ZNF831: variants seen among roughly 807,000 people sequenced by gnomAD.
ZNF831 encodes the protein chromosome 20 open reading frame 174.
ZNF831 carries 59 observed loss-of-function variants against 95.8 expected under a neutral mutation model. The ratio of observed to expected loss-of-function variants is 0.62; its 90% confidence interval spans 0.50 to 0.77. The LOEUF is 0.77. ZNF831 is among the 30% of genes least tolerant of loss of function. The probability of loss-of-function intolerance (pLI) is 0.00; values close to 1 mark genes in which losing one functional copy is unlikely to be tolerated. For synonymous variants in ZNF831, 961 were observed against 925.5 expected (o/e 1.04, Z -0.70); for missense variants, 2,205 against 2,164.0 (o/e 1.02, Z -0.38).
intron 4 of ZNF831, among the ~76,000 whole-genome samples, chr20:59,228,581 G>A (rs1023670407): frequency 6.6e-6 from 1 of 152,178 alleles, no homozygotes; most frequent in Non-Finnish European, 1.5e-5. Flanking sequence ...GGGGGTGAAA[G>A]AACTTTATGT....
chr20:59,256,377 A>C lies in ZNF831; in HGVS notation c.*1634A>C, dbSNP rs1003303408. The C allele has an allele frequency of 2.0e-5, 3 of 152,240 alleles. No individual in the cohort carries two copies. Among genetic ancestry groups the C allele is most frequent in the Non-Finnish European group, 4.4e-5 (3 of 68,046 alleles). 9.4% of individuals were successfully genotyped at this position (152,240 alleles called of 1,614,324 possible). The stretch of plus-strand genomic sequence containing the variant: ...AAACATAAGAAGGGAGGTAAAAAGG[A>C]TGTTGGACATTGACTTAGTGTACTT... On this transcript the variant is annotated 3_prime_UTR_variant, in exon 6 of 6. Transcript: ENST00000371030.
intron 2 of ZNF831, 41 bp downstream of exon 2, chr20:59,194,798 C>A: frequency 6.6e-7 from 1 of 1,517,232 alleles, no homozygotes; most frequent in Non-Finnish European, 8.8e-7. Flanking sequence ...GTTGAGAGAG[C>A]ATGTTGTTAT....
chr20:59,169,517 GCA>G lies in ZNF831; in HGVS notation c.-37+5312_-37+5313del, dbSNP rs1388753687. 6.6e-6 allele frequency among the ~76,000 whole-genome samples: 1 copy of G among 152,186 alleles called. No homozygotes were observed. Among genetic ancestry groups the G allele is most frequent in the Non-Finnish European group, 1.5e-5 (1 of 68,026 alleles). On this transcript the variant is annotated intron_variant, in intron 1 of 5. Transcript: ENST00000371030. The surrounding 1 kb of genome is among the most constrained non-coding windows in gnomAD (Gnocchi z 4.1). ...ACAGTGGCTCATGCCTATAATCCCA[GCA>G]CTTTGGGAGGCTGAGATGGGTGGAT... is the stretch of plus-strand genomic sequence containing the variant.
chr20:59,236,361 T>A (rs1986998272), intron 4 of ZNF831, among the ~76,000 whole-genome samples: 1 of 152,206 alleles, frequency 6.6e-6, no homozygotes, highest in Non-Finnish European at 1.5e-5. Context: ...AGGGTCTTCC[T>A]GGCTTGCTTG....
rs2146574057 is a variant in ZNF831, at chr20:59,192,911, T to A, written c.1892T>A (p.Ile631Asn). The stretch of plus-strand genomic sequence containing the variant: ...TACGGGGATGAGACGTTCAAAAGGA[T>A]CTACCAGAAAATGAAAGCCAGTCCC... ...QVYGDETFKR[I>N]YQKMKASPHG... Residue 631 changes from isoleucine to asparagine, a missense_variant, in exon 2 of 6, where the codon ATC becomes AAC. By Grantham distance (149) the Ile-to-Asn change is moderately radical. Transcript: ENST00000371030. This position sits in a 1 kb window ranked among gnomAD's most constrained non-coding sequence, Gnocchi z 5.2. 6.3e-7 allele frequency: 1 copy of A among 1,599,024 alleles called. No individual in the cohort carries two copies. Among genetic ancestry groups the A allele is most frequent in the East Asian group, 2.2e-5 (1 of 44,826 alleles).
chr20:59,174,212 A>G (rs1238297253), intron 1 of ZNF831, among the ~76,000 whole-genome samples: 1 of 152,088 alleles, frequency 6.6e-6, no homozygotes, highest in East Asian at 1.9e-4. Context: ...TGGCCACGGG[A>G]GGCTAGCTGG....
intron 1 of ZNF831, among the ~76,000 whole-genome samples, chr20:59,145,867 C>G (rs1427331215): frequency 6.6e-6 from 1 of 152,144 alleles, no homozygotes; most frequent in Non-Finnish European, 1.5e-5. Flanking sequence ...CAGAGAAATG[C>G]CCACCCTCAC....
chr20:59,144,909 C>G (rs1979794017), intron 1 of ZNF831, among the ~76,000 whole-genome samples: 1 of 152,140 alleles, frequency 6.6e-6, no homozygotes, highest in Admixed American at 6.5e-5. Context: ...CTGGAGGGCT[C>G]TTGGGCAGGG....
Position 59,191,851 on chromosome 20 carries a change from G to T in ZNF831, c.832G>T (p.Ala278Ser), listed in dbSNP as rs201314717. 8 of 1,613,356 alleles carry T rather than the reference G, an allele frequency of 5.0e-6. No individual in the cohort carries two copies. In the East Asian group the frequency reaches 1.6e-4, roughly 31 times the overall value. ...AGGGTCCGCATTTGCCGACAGAGAG[G>T]CTCCTTGGGACTCTGCCCCCATGGC... Reference protein sequence around the residue: ...CPGSAFADREAPWDSAPMASP... With the variant: ...CPGSAFADRESPWDSAPMASP... The change falls in exon 2 of 6, where the codon GCT becomes TCT. Residue 278 changes from alanine (A) to serine (S), a missense_variant. Ala to Ser is a moderately conservative substitution (Grantham distance 99). Coordinates refer to ENST00000371030, the MANE Select transcript of ZNF831 (RefSeq NM_178457.3).
At chr20:59,203,033 C>A (rs559541000) in intron 3 of ZNF831, among the ~76,000 whole-genome samples, 1 of 152,110 alleles carries the variant, frequency 6.6e-6, no homozygotes, top group African/African-American at 2.4e-5. Context: ...ATTTTTTAAC[C>A]TTGATAATGA....
At chr20:59,184,435 C>T (rs145131257) in intron 1 of ZNF831, among the ~76,000 whole-genome samples, 181 of 150,196 alleles carry the variant, frequency 1.2e-3, no homozygotes, top group African/African-American at 2.7e-3. Flanking sequence ...CTGAAAATTG[C>T]GATACAACAT....
rs775709778 is a variant in ZNF831 at position 59,193,773 on chromosome 20, G to A, written c.2754G>A (p.Ser918=). The A allele has an allele frequency of 2.4e-5, 38 of 1,606,488 alleles. No homozygotes were observed. In the Middle Eastern group the frequency reaches 5.0e-4, roughly 21 times the overall value. The part of the protein sequence containing the change: ...PAAPAPAEHP[S]LATPPQAPRV... ...CCCCAGCCCCCGCAGAGCACCCCTC[G>A]CTGGCCACCCCACCTCAGGCTCCTA... The change falls in exon 2 of 6, where the codon TCG becomes TCA. Residue 918 remains serine, a synonymous_variant. Transcript: ENST00000371030.
intron 4 of ZNF831, among the ~76,000 whole-genome samples, chr20:59,232,752 A>T (rs181020672): frequency 1.3e-5 from 2 of 152,186 alleles, no homozygotes; most frequent in African/African-American, 4.8e-5. Flanking sequence ...ATGGCAGATG[A>T]CTCTTGGAGC....
At chr20:59,161,752 A>G (rs2146473436), upstream of ZNF831, among the ~76,000 whole-genome samples, 1 of 152,298 alleles carries the variant, frequency 6.6e-6, no homozygotes, top group South Asian at 2.1e-4. Context: ...TGGTAGAATG[A>G]TTTATCTTCC....
At chr20:59,207,312 C>A (rs1019994579) in intron 4 of ZNF831, among the ~76,000 whole-genome samples, 1 of 152,196 alleles carries the variant, frequency 6.6e-6, no homozygotes, top group African/African-American at 2.4e-5. Flanking sequence ...GCCACCTGTG[C>A]CAAGCTCTGA....
At chr20:59,156,735 A>G (rs1012298371) in intron 2 of ZNF831, among the ~76,000 whole-genome samples, 3 of 152,108 alleles carry the variant, frequency 2.0e-5, no homozygotes, top group Admixed American at 2.0e-4. Context: ...ACTGTTTTAG[A>G]TTCCACATAG....
intron 2 of ZNF831, among the ~76,000 whole-genome samples, chr20:59,158,379 G>A (rs1310900924): frequency 6.6e-6 from 1 of 152,226 alleles, no homozygotes; most frequent in African/African-American, 2.4e-5. Context: ...TTTCCAAACA[G>A]TCTGTGCTGC....
intron 4 of ZNF831, among the ~76,000 whole-genome samples, chr20:59,246,298 T>C (rs1277209857): frequency 6.6e-6 from 1 of 152,204 alleles, no homozygotes; most frequent in African/African-American, 2.4e-5. Context: ...AGCTATGAAG[T>C]CATAGTGCTC....
At chr20:59,219,482 T>C (rs1208782762) in intron 4 of ZNF831, among the ~76,000 whole-genome samples, 1 of 152,178 alleles carries the variant, frequency 6.6e-6, no homozygotes, top group Non-Finnish European at 1.5e-5. Flanking sequence ...AGCTCGCTGA[T>C]ATGATTAAGC....
Sources: gnomAD v4.1 joint callset for allele counts (sites outside exome capture counted in the v4.1 genomes callset) on GRCh38, gnomAD v4.1.1 for gene constraint, Gnocchi (gnomAD v3.1) non-coding constraint, MANE v1.5 for transcripts, NCBI Gene and HGNC (gene_info 2026-07-23, HGNC 2026-07-21) for gene names.